Variants in KPNA4 observed in about 807,000 individuals in gnomAD.
KPNA4 encodes the protein importin subunit alpha-3.
KPNA4 carries 13 observed loss-of-function variants against 71.3 expected under a neutral mutation model. The ratio of observed to expected loss-of-function variants is 0.18; its 90% CI spans 0.12 to 0.29. KPNA4 has a LOEUF of 0.29. Among genes scored for constraint, KPNA4 ranks in the 10% least tolerant of loss-of-function variants. The pLI, the probability that KPNA4 is intolerant of heterozygous loss-of-function variation, is 1.00. For missense variants in KPNA4, 334 were observed against 603.2 expected, an observed-to-expected ratio of 0.55 and a Z score of 4.67; for synonymous variants, 189 against 195.2, an observed-to-expected ratio of 0.97 and a Z score of 0.26.
intron 14 of KPNA4, 121 bp downstream of exon 14, chr3:160,509,679 G>T: frequency 1.4e-6 from 1 of 740,544 alleles, no homozygotes; most frequent in Non-Finnish European, 2.3e-6. Context: ...TGATCCTCCA[G>T]CCTTGGCCTC....
chr3:160,504,858 A>G (rs974779386), intron 16 of KPNA4, 100 bp downstream of exon 16: 9 of 448,548 alleles, frequency 2.0e-5, no homozygotes, highest in Non-Finnish European at 7.4e-6. Flanking sequence ...TTCCATTCCA[A>G]ACAAATACAC....
intron 8 of KPNA4, 22 bp downstream of exon 8, chr3:160,527,931 G>A (rs1721493367): frequency 6.4e-7 from 1 of 1,554,908 alleles, no homozygotes. Context: ...TTTTAGACTA[G>A]TATTACAAGT....
At chr3:160,564,511 G>A (rs1011656426) in intron 1 of KPNA4, 21 of 152,284 alleles carry the variant, frequency 1.4e-4, no homozygotes, top group African/African-American at 5.1e-4. Context: ...TTGCCTGGAA[G>A]AGGGCACACC....
chr3:160,549,694 G>C (rs977620126), intron 1 of KPNA4, among the ~76,000 whole-genome samples: 2 of 152,136 alleles, frequency 1.3e-5, no homozygotes, highest in Non-Finnish European at 2.9e-5. Flanking sequence ...TTTCAGTCTG[G>C]AAGCATGAGG....
intron 11 of KPNA4, among the ~76,000 whole-genome samples, chr3:160,519,426 A>G (rs1721296886): frequency 6.6e-6 from 1 of 152,228 alleles, no homozygotes; most frequent in Non-Finnish European, 1.5e-5. Context: ...GAAGCAGTAA[A>G]TAAAATCCAG....
intron 1 of KPNA4, among the ~76,000 whole-genome samples, chr3:160,542,461 T>A (rs1222894789): frequency 1.3e-5 from 2 of 152,200 alleles, no homozygotes; most frequent in South Asian, 4.1e-4. Context: ...AATTACATTA[T>A]GACAATAAAA....
intron 8 of KPNA4, 91 bp from the exon 9 acceptor site, chr3:160,526,198 T>C: frequency 1.1e-6 from 1 of 932,270 alleles, no homozygotes; most frequent in Non-Finnish European, 1.5e-6. Context: ...TGCTGCTTCA[T>C]GTATTTTATC....
At position 160,565,189 on chromosome 3, in the gene KPNA4, C is replaced by A. The variant is rs551979759; in HGVS notation, c.69+25G>T. The A allele has an allele frequency of 1.0e-5, 16 of 1,588,296 alleles. No homozygotes were observed. The African/African-American group carries it at 1.9e-4, about 19-fold the overall frequency. On this transcript the variant is annotated intron_variant, in intron 1 of 16. Transcript: ENST00000334256. Reference sequence around the variant, plus strand: ...CGGCCCCAGGCCCACAGCCCCCACCCCTCCGGCGTCGTCCCCGAGTTTACC... The same window carrying A: ...CGGCCCCAGGCCCACAGCCCCCACCACTCCGGCGTCGTCCCCGAGTTTACC...
chr3:160,508,865 C>A (rs1721039497), intron 14 of KPNA4, among the ~76,000 whole-genome samples: 1 of 152,120 alleles, frequency 6.6e-6, no homozygotes, highest in Non-Finnish European at 1.5e-5. Context: ...GTGACAGCAT[C>A]CAGTGGCTCA....
rs1490445867 is a variant in KPNA4 at position 160,496,498 on chromosome 3, T to G, written c.*5606A>C. The G allele has an allele frequency of 6.6e-6, 1 of 152,160 alleles. No homozygotes were observed. The highest frequency in any genetic ancestry group is 2.4e-5 in the African/African-American group (1 of 41,434). The allele number at this position is 152,160 out of a possible 1,614,324, so 9.4% of individuals were successfully genotyped here. A position where few individuals can be genotyped will look rare whatever the true frequency, so the allele number is the denominator to read the frequency against. On this transcript the variant is annotated 3_prime_UTR_variant, in exon 17 of 17. Coordinates refer to ENST00000334256, the MANE Select transcript of KPNA4 (RefSeq NM_002268.5). Reference sequence around the variant, plus strand: ...GGCTGGAGAAAATCTTGGGTAATATTAGAGTAACATAGTCTAGGATAGGAA... The same window carrying G: ...GGCTGGAGAAAATCTTGGGTAATATGAGAGTAACATAGTCTAGGATAGGAA...
At chr3:160,518,543 T>C (rs1231181944) in intron 11 of KPNA4, among the ~76,000 whole-genome samples, 3 of 150,348 alleles carry the variant, frequency 2.0e-5, no homozygotes, top group Non-Finnish European at 3.0e-5. Flanking sequence ...CTTTCCCCAA[T>C]GAATTGGCTT....
chr3:160,518,313 T>G (rs975307872), intron 11 of KPNA4, among the ~76,000 whole-genome samples: 7 of 151,118 alleles, frequency 4.6e-5, no homozygotes, highest in African/African-American at 1.7e-4. Context: ...TTTTTTGTAT[T>G]TTTAGTAGAG....
At chr3:160,511,876 A>T (rs1721102036) in intron 13 of KPNA4, among the ~76,000 whole-genome samples, 1 of 151,986 alleles carries the variant, frequency 6.6e-6, no homozygotes, top group Non-Finnish European at 1.5e-5. Flanking sequence ...AAGAAAAATA[A>T]GTAATTATGC....
intron 13 of KPNA4, among the ~76,000 whole-genome samples, chr3:160,511,995 C>T (rs1006251955): frequency 6.6e-6 from 1 of 151,946 alleles, no homozygotes; most frequent in Admixed American, 6.6e-5. Context: ...TTAATAGCTC[C>T]CTTTCATTCA....
chr3:160,559,523 T>C (rs1002372137), intron 1 of KPNA4, among the ~76,000 whole-genome samples: 1 of 152,166 alleles, frequency 6.6e-6, no homozygotes, highest in South Asian at 2.1e-4. Context: ...GATGGGTAAA[T>C]GTTACATCTG....
Position 160,565,463 on chromosome 3 carries a change from C to CG in KPNA4, c.-182dup. 1 of 580,546 alleles carries CG rather than the reference C, an allele frequency of 1.7e-6. No homozygotes were observed. Among genetic ancestry groups the CG allele is most frequent in the Non-Finnish European group, 3.0e-6 (1 of 331,276 alleles). 36.0% of individuals were successfully genotyped at this position (580,546 alleles called of 1,614,324 possible). A position where few individuals can be genotyped will look rare whatever the true frequency, so the allele number is the denominator to read the frequency against. On this transcript the variant is annotated 5_prime_UTR_variant, in exon 1 of 17. Coordinates refer to ENST00000334256, the MANE Select transcript of KPNA4 (RefSeq NM_002268.5). ...CTTCTCCTCTCCCCGCCCGCCCCCC[C>CG]GCCCTAACCCCAGCGCGACTGCAGC...
rs139009071 is a variant in KPNA4, at chr3:160,517,354, A to G, written c.904-1774T>C. ...GTGTGAATGTATCATATTTTATTTAACCATTCATTGGCTGACATTCAAATT... is the reference window on the plus strand; with the variant it reads ...GTGTGAATGTATCATATTTTATTTAGCCATTCATTGGCTGACATTCAAATT... On this transcript the variant is annotated intron_variant, in intron 11 of 16. Transcript: ENST00000334256. 9.7e-4 allele frequency among the ~76,000 whole-genome samples: 148 copies of G among 152,202 alleles called. 2 individuals are homozygous for G. In the East Asian group the frequency reaches 0.026, roughly 26 times the overall value.
chr3:160,528,167 T>A, intron 7 of KPNA4, 128 bp from the exon 8 acceptor site: 1 of 541,558 alleles, frequency 1.8e-6, no homozygotes, highest in Non-Finnish European at 3.3e-6. Flanking sequence ...ATAACCTCAT[T>A]AAATGAATTT....
chr3:160,527,748 C>CA (rs1721486075), intron 8 of KPNA4, among the ~76,000 whole-genome samples: 2 of 151,796 alleles, frequency 1.3e-5, no homozygotes, highest in Admixed American at 6.6e-5. Flanking sequence ...AACTATATAC[C>CA]AAAAAAATGG....
Sources: allele counts gnomAD v4.1 joint callset (sites outside exome capture counted in the v4.1 genomes callset), GRCh38; gene constraint gnomAD v4.1.1; transcripts MANE v1.5; gene names NCBI Gene and HGNC (gene_info 2026-07-23, HGNC 2026-07-21).